Variants in GABRG3 observed in about 807,000 individuals in gnomAD.
GABRG3 encodes gamma-aminobutyric acid receptor subunit gamma-3.
In GABRG3, 25 loss-of-function variants were observed where a neutral mutation model predicts 48.8. The ratio of observed to expected loss-of-function variants is 0.51; its 90% CI spans 0.37 to 0.72. The LOEUF (loss-of-function observed/expected upper bound fraction) is 0.72, where lower values mean the gene tolerates loss of function less well. GABRG3 is among the 30% of genes least tolerant of loss of function. The pLI, the probability that GABRG3 is intolerant of heterozygous loss-of-function variation, is 0.00. For missense variants in GABRG3, 394 were observed against 577.9 expected, an observed-to-expected ratio of 0.68 and a Z score of 3.26; for synonymous variants, 227 against 217.6, an observed-to-expected ratio of 1.04 and a Z score of -0.38.
At chr15:27,057,379 G>A (rs925663037) in intron 3 of GABRG3, among the ~76,000 whole-genome samples, 1 of 152,196 alleles carries the variant, frequency 6.6e-6, no homozygotes, top group Non-Finnish European at 1.5e-5. Flanking sequence ...CCAGCTTACA[G>A]GAAGGCATCA....
intron 3 of GABRG3, among the ~76,000 whole-genome samples, chr15:27,069,552 A>T (rs57023640): frequency 0.012 from 1,757 of 152,334 alleles, 39 homozygotes; most frequent in African/African-American, 0.04. Flanking sequence ...CTGTGTGCAT[A>T]TAAGGGTCTG....
At chr15:27,290,491 G>A (rs551416595) in intron 3 of GABRG3, among the ~76,000 whole-genome samples, 47 of 152,224 alleles carry the variant, frequency 3.1e-4, no homozygotes, top group African/African-American at 1.1e-3. Context: ...CATCAGCAGG[G>A]CTAAATCATG....
intron 6 of GABRG3, among the ~76,000 whole-genome samples, chr15:27,503,439 C>T (rs1234599364): frequency 3.2e-4 from 49 of 152,180 alleles, no homozygotes; most frequent in Non-Finnish European, 2.9e-5. Context: ...CTCTCTGCAA[C>T]CCCTAATCTG....
intron 5 of GABRG3, among the ~76,000 whole-genome samples, chr15:27,477,678 G>A (rs1164318206): frequency 6.6e-6 from 1 of 152,114 alleles, no homozygotes; most frequent in Non-Finnish European, 1.5e-5. Flanking sequence ...GGGGTATACA[G>A]GAAATCTCTG....
At chr15:27,033,593 G>A (rs1487399381) in intron 3 of GABRG3, among the ~76,000 whole-genome samples, 1 of 152,024 alleles carries the variant, frequency 6.6e-6, no homozygotes, top group East Asian at 1.9e-4. Context: ...ATAAAATAAT[G>A]ATGCTTTGAA....
At chr15:27,437,229 G>A (rs1888646701) in intron 5 of GABRG3, among the ~76,000 whole-genome samples, 5 of 151,968 alleles carry the variant, frequency 3.3e-5, no homozygotes, top group Admixed American at 3.3e-4. Flanking sequence ...GAATGAACCT[G>A]CTCTCTGCTC....
intron 6 of GABRG3, among the ~76,000 whole-genome samples, chr15:27,499,459 C>T (rs1184022359): frequency 6.6e-6 from 1 of 152,180 alleles, no homozygotes; most frequent in African/African-American, 2.4e-5. Flanking sequence ...AAAAAAAGTC[C>T]AGCCCCAGTC....
At chr15:27,079,216 A>G (rs142687592) in intron 3 of GABRG3, among the ~76,000 whole-genome samples, 21 of 152,286 alleles carry the variant, frequency 1.4e-4, no homozygotes, top group African/African-American at 4.8e-4. Context: ...GGGAGGCTTC[A>G]TGAAAATCCC....
intron 5 of GABRG3, among the ~76,000 whole-genome samples, chr15:27,362,070 A>T (rs1015326463): frequency 6.6e-6 from 1 of 152,240 alleles, no homozygotes; most frequent in East Asian, 1.9e-4. Context: ...GATGATAATG[A>T]CACACGTTAA....
rs1356017895 is a variant in GABRG3 at position 27,536,687 on chromosome 15, A to C, written c.*3806A>C. The C allele has an allele frequency of 6.6e-6, 1 of 151,720 alleles. No individual in the cohort carries two copies. The highest frequency in any genetic ancestry group is 2.4e-5 in the African/African-American group (1 of 41,224). The allele number at this position is 151,720 out of a possible 1,614,324, so 9.4% of individuals were successfully genotyped here. Reference sequence around the variant, plus strand: ...ATGGGGATGAGTGTCTCTAATAGAAACTCCGCACCAAATCATTTTACCTGG... The same window carrying C: ...ATGGGGATGAGTGTCTCTAATAGAACCTCCGCACCAAATCATTTTACCTGG... On this transcript the variant is annotated 3_prime_UTR_variant, in exon 10 of 10. Coordinates refer to ENST00000615808, the MANE Select transcript of GABRG3 (RefSeq NM_033223.5).
At chr15:27,013,889 GC>G (rs980693240) in intron 2 of GABRG3, among the ~76,000 whole-genome samples, 1 of 151,944 alleles carries the variant, frequency 6.6e-6, no homozygotes, top group African/African-American at 2.4e-5. Flanking sequence ...TTCTATTTCT[GC>G]CAAAAATGCA....
chr15:27,094,983 T>A (rs760757007), intron 3 of GABRG3, among the ~76,000 whole-genome samples: 1 of 152,184 alleles, frequency 6.6e-6, no homozygotes, highest in Non-Finnish European at 1.5e-5. Flanking sequence ...GTCTATACCA[T>A]AGTTTCTTTT....
chr15:27,316,343 C>A (rs571399520), intron 3 of GABRG3, among the ~76,000 whole-genome samples: 4 of 148,284 alleles, frequency 2.7e-5, no homozygotes, highest in South Asian at 4.3e-4. Context: ...AGCCGAGATC[C>A]CGCCACTGCA....
At chr15:27,057,407 T>C (rs940318771) in intron 3 of GABRG3, among the ~76,000 whole-genome samples, 1 of 152,262 alleles carries the variant, frequency 6.6e-6, no homozygotes. Context: ...CGGTGATTTA[T>C]GCCTCTGATT....
chr15:27,184,656 A>G (rs1280291433), intron 3 of GABRG3, among the ~76,000 whole-genome samples: 1 of 152,192 alleles, frequency 6.6e-6, no homozygotes, highest in Non-Finnish European at 1.5e-5. Flanking sequence ...CTCCAGTGAA[A>G]CCATCTGAGT....
At chr15:26,985,736 G>A (rs1265048004) in intron 2 of GABRG3, among the ~76,000 whole-genome samples, 2 of 152,122 alleles carry the variant, frequency 1.3e-5, no homozygotes, top group Non-Finnish European at 2.9e-5. Flanking sequence ...ATGTTGGAAC[G>A]CCCTGTTTAA....
chr15:27,014,654 T>C (rs961768292), intron 2 of GABRG3, among the ~76,000 whole-genome samples: 3 of 152,192 alleles, frequency 2.0e-5, no homozygotes, highest in South Asian at 4.1e-4. Context: ...GTGATTTAAA[T>C]CTTAAATGTG....
chr15:27,033,113 T>C (rs1896114723), intron 3 of GABRG3, among the ~76,000 whole-genome samples: 1 of 152,234 alleles, frequency 6.6e-6, no homozygotes, highest in African/African-American at 2.4e-5. Context: ...GACATTCATA[T>C]TCCCTGAAAT....
intron 5 of GABRG3, among the ~76,000 whole-genome samples, chr15:27,439,172 G>C (rs1260102409): frequency 2.6e-5 from 4 of 152,098 alleles, no homozygotes; most frequent in Non-Finnish European, 2.9e-5. Context: ...ATGCTAACAG[G>C]AACTCCTCCA....
Sources: gnomAD v4.1 joint callset for allele counts (sites outside exome capture counted in the v4.1 genomes callset) on GRCh38, gnomAD v4.1.1 for gene constraint, MANE v1.5 for transcripts, NCBI Gene and HGNC (gene_info 2026-07-23, HGNC 2026-07-21) for gene names.